The following ALK variants were observed in gnomAD, a reference collection of about 807,000 sequenced individuals.
The protein encoded by ALK is ALK receptor tyrosine kinase, also known as ALK tyrosine kinase receptor.
In ALK, 74 loss-of-function variants were observed where a neutral mutation model predicts 163.1. The observed-to-expected ratio is 0.45, with a 90% CI of 0.38 to 0.55. ALK has a LOEUF of 0.55. Among genes scored for constraint, ALK ranks in the 20% least tolerant of loss-of-function variants. The pLI is 0.00. For missense variants in ALK, 2,063 were observed against 2,105.3 expected (o/e 0.98, Z 0.39); for synonymous variants, 960 against 843.2 (o/e 1.14, Z -2.40).
At chr2:29,831,259 G>GGAA (rs201594262) in intron 1 of ALK, among the ~76,000 whole-genome samples, 1,267 of 28,134 alleles carry the variant, frequency 0.045, 191 homozygotes, top group East Asian at 0.057. Context: ...AAGAGGAAGA[G>GGAA]GAAGAAGAAG....
intron 2 of ALK, among the ~76,000 whole-genome samples, chr2:29,702,275 C>T (rs950637494): frequency 1.3e-5 from 2 of 151,888 alleles, no homozygotes; most frequent in Non-Finnish European, 2.9e-5. Context: ...TTTAGAATCT[C>T]GATATTCTAA....
intron 4 of ALK, among the ~76,000 whole-genome samples, chr2:29,413,695 C>T (rs2148323973): frequency 6.6e-6 from 1 of 152,242 alleles, no homozygotes; most frequent in African/African-American, 2.4e-5. Flanking sequence ...CCATGCCCGG[C>T]TAATTTTTTA....
chr2:29,850,546 C>T (rs928853303), intron 1 of ALK, among the ~76,000 whole-genome samples: 1 of 152,206 alleles, frequency 6.6e-6, no homozygotes, highest in Non-Finnish European at 1.5e-5. Context: ...AGGGAATTCT[C>T]ATTGGCAACT....
rs781350285 is a variant in ALK at position 29,920,072 on chromosome 2, C to T, written c.588G>A (p.Ser196=). 16 of 1,614,084 alleles carry T rather than the reference C, an allele frequency of 9.9e-6. No homozygotes were observed. Among genetic ancestry groups the T allele is most frequent in the Non-Finnish European group, 1.3e-5 (15 of 1,180,056 alleles). ...ACAGCCTTCCCTCTCTGCCCACTTCCGACGCCTTCTTCTCGGGCATCAGGC... is the reference window on the plus strand; with the variant it reads ...ACAGCCTTCCCTCTCTGCCCACTTCTGACGCCTTCTTCTCGGGCATCAGGC... The part of the protein sequence containing the change: ...RIRLMPEKKA[S]EVGREGRLSA... The change falls in exon 1 of 29, where the codon TCG becomes TCA. Residue 196 remains serine (S), a synonymous_variant. Coordinates refer to ENST00000389048, the MANE Select transcript of ALK (RefSeq NM_004304.5).
chr2:29,699,302 G>T (rs567788340), intron 2 of ALK, among the ~76,000 whole-genome samples: 1 of 152,250 alleles, frequency 6.6e-6, no homozygotes, highest in Admixed American at 6.5e-5. Flanking sequence ...TTCCATCACT[G>T]TACCTCATCT....
chr2:29,628,308 A>C (rs1676255648), intron 3 of ALK, among the ~76,000 whole-genome samples: 1 of 152,210 alleles, frequency 6.6e-6, no homozygotes, highest in Non-Finnish European at 1.5e-5. Flanking sequence ...AAAATTTACA[A>C]ATTTTCTATA....
chr2:29,704,914 G>A (rs1395216752), intron 2 of ALK, among the ~76,000 whole-genome samples: 2 of 152,052 alleles, frequency 1.3e-5, no homozygotes, highest in Non-Finnish European at 2.9e-5. Flanking sequence ...ATAAACCAGG[G>A]AGAATTATCA....
intron 1 of ALK, among the ~76,000 whole-genome samples, chr2:29,767,868 T>C (rs546888090): frequency 6.6e-6 from 1 of 152,214 alleles, no homozygotes; most frequent in South Asian, 2.1e-4. Flanking sequence ...ACAGGCAAGA[T>C]GAAAGGACAT....
rs557579440 is a variant in ALK at position 29,279,058 on chromosome 2, GCCTT to G, written c.1818-3566_1818-3563del. On this transcript the variant is annotated intron_variant, in intron 9 of 28. Coordinates refer to ENST00000389048, the MANE Select transcript of ALK (RefSeq NM_004304.5). ...TGCATGTCTCCCTGCCCCTCTCTGT[GCCTT>G]CCTTCCTTATTACTAAGAGATTAGA... Among the ~76,000 whole-genome samples the G allele has an allele frequency of 1.6e-3, 246 of 152,246 alleles. 2 individuals are homozygous for G. In the Middle Eastern group the frequency reaches 0.024, roughly 15 times the overall value.
At chr2:29,774,779 C>T (rs1206189819) in intron 1 of ALK, among the ~76,000 whole-genome samples, 4 of 152,064 alleles carry the variant, frequency 2.6e-5, no homozygotes, top group Admixed American at 6.5e-5. Flanking sequence ...TACTGACACC[C>T]GTAATTAAAG....
intron 13 of ALK, among the ~76,000 whole-genome samples, chr2:29,235,460 G>A (rs183821484): frequency 3.4e-4 from 52 of 152,256 alleles, no homozygotes; most frequent in African/African-American, 1.2e-3. Context: ...ATATTTCTTA[G>A]AGTGGATCTA....
chr2:29,467,211 AG>A (rs1201529014), intron 4 of ALK, among the ~76,000 whole-genome samples: 1 of 149,112 alleles, frequency 6.7e-6, no homozygotes, highest in Non-Finnish European at 1.5e-5. Flanking sequence ...GCTTCCAATG[AG>A]CAATCTTATG....
intron 1 of ALK, among the ~76,000 whole-genome samples, chr2:29,877,032 A>G (rs1468436265): frequency 6.6e-6 from 1 of 152,194 alleles, no homozygotes; most frequent in Admixed American, 6.5e-5. Context: ...CCAAACTGGA[A>G]GAGAGCTTAG....
intron 4 of ALK, among the ~76,000 whole-genome samples, chr2:29,427,037 CAAAAAAAAAAAAA>C (rs70958261): frequency 2.5e-5 from 1 of 40,126 alleles, no homozygotes; most frequent in South Asian, 1.9e-3. Context: ...GACTCCGTCT[CAAAAAAAAAAAAA>C]AAAAAAAAAA....
intron 1 of ALK, among the ~76,000 whole-genome samples, chr2:29,749,034 A>G (rs561740101): frequency 6.6e-6 from 1 of 152,316 alleles, no homozygotes; most frequent in African/African-American, 2.4e-5. Flanking sequence ...TATCTCTTGA[A>G]TGATCATACT....
intron 22 of ALK, 32 bp downstream of exon 22, chr2:29,222,312 G>C (rs2148168400): frequency 6.2e-7 from 1 of 1,606,904 alleles, no homozygotes; most frequent in South Asian, 1.1e-5. Flanking sequence ...GCAGAGGGGA[G>C]TTGGGGTGAG....
intron 3 of ALK, among the ~76,000 whole-genome samples, chr2:29,567,545 C>T (rs559535610): frequency 2.6e-5 from 4 of 152,160 alleles, no homozygotes; most frequent in Non-Finnish European, 4.4e-5. Context: ...AAGACTCTTG[C>T]CTTCAGACAG....
chr2:29,638,859 T>C (rs1267939423), intron 3 of ALK, among the ~76,000 whole-genome samples: 1 of 152,140 alleles, frequency 6.6e-6, no homozygotes, highest in Non-Finnish European at 1.5e-5. Context: ...TTTACCCATA[T>C]ACAAAATGCA....
chr2:29,564,803 A>AT (rs907322337), intron 3 of ALK, among the ~76,000 whole-genome samples: 3 of 152,040 alleles, frequency 2.0e-5, no homozygotes, highest in African/African-American at 7.2e-5. Context: ...TTGTTGCTTT[A>AT]TTTTTAGTGT....
Sources: gnomAD v4.1 joint callset for allele counts (sites outside exome capture counted in the v4.1 genomes callset) on GRCh38, gnomAD v4.1.1 for gene constraint, MANE v1.5 for transcripts, NCBI Gene and HGNC (gene_info 2026-07-23, HGNC 2026-07-21) for gene names.